Variants in PTPRD observed in about 807,000 individuals in gnomAD.
The protein encoded by PTPRD is receptor-type tyrosine-protein phosphatase delta.
Under a neutral mutation model 214.5 loss-of-function variants are expected in PTPRD, and 34 were observed. That is an observed-to-expected ratio of 0.16 (90% CI 0.12 to 0.21). PTPRD has a LOEUF of 0.21. Among genes scored for constraint, PTPRD ranks in the 10% least tolerant of loss-of-function variants. The probability of loss-of-function intolerance (pLI) is 1.00; values close to 1 mark genes in which losing one functional copy is unlikely to be tolerated. For synonymous variants in PTPRD, 1,128 were observed against 845.7 expected (o/e 1.33, Z -5.79); for missense variants, 2,545 against 2,398.7 (o/e 1.06, Z -1.27).
intron 8 of PTPRD, among the ~76,000 whole-genome samples, chr9:9,507,103 G>C (rs575758457): frequency 1.5e-4 from 23 of 151,208 alleles, no homozygotes; most frequent in African/African-American, 5.6e-4. Flanking sequence ...TTGAATTCTA[G>C]GAAATAATAA....
chr9:9,647,343 T>C (rs1024173243), intron 7 of PTPRD, among the ~76,000 whole-genome samples: 4 of 151,816 alleles, frequency 2.6e-5, no homozygotes, highest in African/African-American at 4.8e-5. Flanking sequence ...TTCTGTTTCC[T>C]TGTTTCTACT....
At chr9:9,198,512 G>A (rs1357283491) in intron 9 of PTPRD, among the ~76,000 whole-genome samples, 1 of 151,774 alleles carries the variant, frequency 6.6e-6, no homozygotes, top group Non-Finnish European at 1.5e-5. Context: ...GTATTTTACT[G>A]TTTCTCTGCT....
chr9:8,811,857 A>C (rs754697680), intron 11 of PTPRD, among the ~76,000 whole-genome samples: 1 of 152,094 alleles, frequency 6.6e-6, no homozygotes, highest in Non-Finnish European at 1.5e-5. Context: ...TGATATTTCC[A>C]CCTTTCGCTA....
chr9:8,663,336 G>A, intron 12 of PTPRD, among the ~76,000 whole-genome samples: 1 of 147,890 alleles, frequency 6.8e-6, no homozygotes, highest in African/African-American at 2.5e-5. Context: ...CAAGGAAAAA[G>A]CTACTATTAA....
intron 11 of PTPRD, among the ~76,000 whole-genome samples, chr9:8,864,877 A>G (rs1448733181): frequency 3.3e-5 from 5 of 152,160 alleles, no homozygotes; most frequent in African/African-American, 9.7e-5. Flanking sequence ...CACTTTTCTA[A>G]TGTTTTCTCT....
chr9:10,086,474 G>C (rs1384138427), intron 3 of PTPRD, among the ~76,000 whole-genome samples: 1 of 151,738 alleles, frequency 6.6e-6, no homozygotes, highest in Non-Finnish European at 1.5e-5. Flanking sequence ...GTATGAAGTG[G>C]AAAGCGAATC....
chr9:8,729,337 T>C (rs1258617055), intron 12 of PTPRD, among the ~76,000 whole-genome samples: 1 of 152,100 alleles, frequency 6.6e-6, no homozygotes, highest in Middle Eastern at 3.2e-3. Context: ...CAAGGGTTTA[T>C]AAGAACTCCT....
chr9:9,307,019 G>A (rs1276820228), intron 9 of PTPRD, among the ~76,000 whole-genome samples: 1 of 152,156 alleles, frequency 6.6e-6, no homozygotes, highest in East Asian at 1.9e-4. Flanking sequence ...GATTCAAATT[G>A]TTAACATTTG....
intron 11 of PTPRD, among the ~76,000 whole-genome samples, chr9:8,908,826 C>T (rs1427466934): frequency 5.3e-5 from 8 of 151,126 alleles, no homozygotes; most frequent in African/African-American, 1.7e-4. Flanking sequence ...ACCTTTAACT[C>T]GATTATCCAA....
At position 10,460,423 on chromosome 9, in the gene PTPRD, A is replaced by G. The variant is rs557937557; in HGVS notation, c.-599-119406T>C. Among the ~76,000 whole-genome samples, 5 of 152,126 alleles carry G rather than the reference A, an allele frequency of 3.3e-5. No individual in the cohort carries two copies. In the South Asian group the frequency reaches 1.0e-3, roughly 32 times the overall value. On this transcript the variant is annotated intron_variant, in intron 2 of 45. Coordinates refer to ENST00000381196, the MANE Select transcript of PTPRD (RefSeq NM_002839.4). ...CCACAAAAGATCTTGAATAGCCAAA[A>G]CAATTCTGAAAAAAAAAAAAGTTGA...
chr9:10,109,494 T>C (rs1371819831), intron 3 of PTPRD, among the ~76,000 whole-genome samples: 1 of 152,202 alleles, frequency 6.6e-6, no homozygotes, highest in African/African-American at 2.4e-5. Context: ...TTTAAATAAA[T>C]GCCTTCTGAA....
At chr9:8,933,371 A>G (rs1279370414) in intron 11 of PTPRD, among the ~76,000 whole-genome samples, 1 of 70,186 alleles carries the variant, frequency 1.4e-5, no homozygotes. Flanking sequence ...TTTACATAAA[A>G]GGACTCTAGT....
In PTPRD at chr9:9,076,335, G is replaced by A. The variant is rs549704096; in HGVS notation, c.-142-57600C>T. Among the ~76,000 whole-genome samples, 82 of 152,236 alleles carry A rather than the reference G, an allele frequency of 5.4e-4. 1 individual carries two copies. Among genetic ancestry groups the A allele is most frequent in the African/African-American group, 1.9e-3 (80 of 41,546 alleles). On this transcript the variant is annotated intron_variant, in intron 10 of 45. Coordinates refer to ENST00000381196, the MANE Select transcript of PTPRD (RefSeq NM_002839.4). ...GATTGCAAAAATTTTCCCCCGTTCT[G>A]TAGGTTGCCTGTCCACTCTGATGGC...
At chr9:9,491,412 T>C (rs1569568771) in intron 8 of PTPRD, among the ~76,000 whole-genome samples, 1 of 151,906 alleles carries the variant, frequency 6.6e-6, no homozygotes, top group Non-Finnish European at 1.5e-5. Context: ...TGTAAGGAAA[T>C]AAAGAACTTA....
At chr9:8,457,719 T>G (rs1020530053) in intron 33 of PTPRD, among the ~76,000 whole-genome samples, 5 of 152,114 alleles carry the variant, frequency 3.3e-5, no homozygotes, top group African/African-American at 4.8e-5. Flanking sequence ...CAATATAATG[T>G]GAGTCAACAA....
rs766226246 is a variant in PTPRD at position 8,929,835 on chromosome 9, A to ATATATGTG, written c.-104+88861_-104+88862insCACATATA. ...TATATATATGTGTATATATATGTGT[A>ATATATGTG]TATATATGTGTGTATATATATGTGT... On this transcript the variant is annotated intron_variant, in intron 11 of 45. Transcript: ENST00000381196. 1.2e-4 allele frequency among the ~76,000 whole-genome samples: 10 copies of ATATATGTG among 80,320 alleles called. 1 individual carries two copies. The East Asian group carries it at 1.4e-3, about 11-fold the overall frequency. 52.7% of individuals were successfully genotyped at this position (80,320 alleles called of 152,430 possible).
At chr9:8,357,298 T>C (rs2077209081) in intron 39 of PTPRD, among the ~76,000 whole-genome samples, 1 of 152,222 alleles carries the variant, frequency 6.6e-6, no homozygotes, top group African/African-American at 2.4e-5. Context: ...AAGTTAAAGC[T>C]ATTCCCTCTG....
intron 8 of PTPRD, among the ~76,000 whole-genome samples, chr9:9,406,773 A>G (rs1244699928): frequency 6.6e-6 from 1 of 151,684 alleles, no homozygotes; most frequent in Non-Finnish European, 1.5e-5. Flanking sequence ...GAGCAATTTT[A>G]TAGTGGAGAT....
At chr9:9,902,009 T>G (rs78776919) in intron 5 of PTPRD, among the ~76,000 whole-genome samples, 1 of 152,198 alleles carries the variant, frequency 6.6e-6, no homozygotes, top group East Asian at 1.9e-4. Context: ...GTTAGTATCA[T>G]ATGAACTCTT....
Sources: gnomAD v4.1 joint callset for allele counts (sites outside exome capture counted in the v4.1 genomes callset) on GRCh38, gnomAD v4.1.1 for gene constraint, MANE v1.5 for transcripts, NCBI Gene and HGNC (gene_info 2026-07-23, HGNC 2026-07-21) for gene names.